The following BDH1 variants were observed in gnomAD, a reference collection of about 807,000 sequenced individuals.
BDH1 encodes D-beta-hydroxybutyrate dehydrogenase, mitochondrial.
A neutral mutation model predicts 33.1 loss-of-function variants in BDH1; 30 were observed. That is an observed-to-expected ratio of 0.91 (90% CI 0.68 to 1.23). The LOEUF (loss-of-function observed/expected upper bound fraction) is 1.23, where lower values mean the gene tolerates loss of function less well. Ranked by LOEUF, BDH1 falls within the 50% of genes most tolerant of loss-of-function variation. The probability of loss-of-function intolerance (pLI) is 0.00; values close to 1 mark genes in which losing one functional copy is unlikely to be tolerated. For synonymous variants in BDH1, 190 were observed against 183.6 expected (o/e 1.03, Z -0.28); for missense variants, 443 against 464.4 (o/e 0.95, Z 0.42).
At chr3:197,542,610 T>G (rs917215771) in intron 3 of BDH1, among the ~76,000 whole-genome samples, 3 of 143,898 alleles carry the variant, frequency 2.1e-5, no homozygotes, top group Non-Finnish European at 4.5e-5. Context: ...CGCAACCTCT[T>G]CCTCCCGGGT....
chr3:197,566,830 ATT>A (rs902587282), intron 1 of BDH1, among the ~76,000 whole-genome samples: 1 of 151,958 alleles, frequency 6.6e-6, no homozygotes, highest in Non-Finnish European at 1.5e-5. Flanking sequence ...TTTGTTTTCA[ATT>A]TTTTTCTTCT....
At chr3:197,541,174 A>G (rs1715593178) in intron 3 of BDH1, among the ~76,000 whole-genome samples, 1 of 152,208 alleles carries the variant, frequency 6.6e-6, no homozygotes, top group South Asian at 2.1e-4. Flanking sequence ...CTCAAAAGTT[A>G]GTTAACAAGC....
chr3:197,542,985 C>T (rs1011724469), intron 3 of BDH1: 4 of 985,248 alleles, frequency 4.1e-6, no homozygotes, highest in South Asian at 4.7e-5. Flanking sequence ...CTGTCCTCAG[C>T]GCCCTGGTCA....
At chr3:197,513,990 T>C (rs1712396902) in intron 7 of BDH1, among the ~76,000 whole-genome samples, 1 of 152,194 alleles carries the variant, frequency 6.6e-6, no homozygotes, top group South Asian at 2.1e-4. Context: ...ATTCTCTCTA[T>C]AGATTAGGTG....
At chr3:197,542,714 G>C (rs1715756386) in intron 3 of BDH1, among the ~76,000 whole-genome samples, 1 of 151,838 alleles carries the variant, frequency 6.6e-6, no homozygotes, top group South Asian at 2.1e-4. Context: ...TAGAGACGGG[G>C]CTTCTCCATG....
rs371445813 is a variant in BDH1 at position 197,514,433 on chromosome 3, T to C, written c.410-17A>G. ...CCCACATGCCTGGACAGGAGAGGGA[T>C]AGATGTGCATTTACCACATGGGCTT... On this transcript the variant is annotated splice_polypyrimidine_tract_variant and intron_variant, in intron 6 of 7. Transcript: ENST00000392379. This position sits in a 1 kb window ranked among gnomAD's most constrained non-coding sequence, Gnocchi z 4.2. 4.9e-5 allele frequency: 78 copies of C among 1,577,788 alleles called. No homozygotes were observed. In the African/African-American group the frequency reaches 5.8e-4, roughly 12 times the overall value.
chr3:197,534,510 C>T (rs1441356008), intron 3 of BDH1, among the ~76,000 whole-genome samples: 2 of 152,180 alleles, frequency 1.3e-5, no homozygotes, highest in Non-Finnish European at 2.9e-5. Flanking sequence ...CCTGTTTGGG[C>T]ATATTATGAA....
intron 3 of BDH1, chr3:197,538,450 C>T: frequency 2.2e-6 from 1 of 449,424 alleles, no homozygotes; most frequent in Non-Finnish European, 4.5e-6. Context: ...CTCCTGGGTT[C>T]AAGCGATTCT....
chr3:197,541,872 C>G (rs1055168450), intron 3 of BDH1, among the ~76,000 whole-genome samples: 4 of 152,192 alleles, frequency 2.6e-5, no homozygotes, highest in African/African-American at 9.7e-5. Flanking sequence ...CCCCAATATC[C>G]CTGTGAACAG....
At position 197,516,756 on chromosome 3, in the gene BDH1, TCCTCCACCCCTCCCC is replaced by T. The variant is rs988812847; in HGVS notation, c.410-2355_410-2341del. Among the ~76,000 whole-genome samples, 3 of 151,966 alleles carry T rather than the reference TCCTCCACCCCTCCCC, an allele frequency of 2.0e-5. No homozygotes were observed. The highest frequency in any genetic ancestry group is 7.3e-5 in the African/African-American group (3 of 41,338). ...TACTTTTGTCTGTGACTCCTCCAGC[TCCTCCACCCCTCCCC>T]CACCTACTGAGTCACCCAGTACTGC... On this transcript the variant is annotated intron_variant, in intron 6 of 7. Coordinates refer to ENST00000392379, the MANE Select transcript of BDH1 (RefSeq NM_203314.3). The surrounding 1 kb of genome is among the most constrained non-coding windows in gnomAD (Gnocchi z 4.2).
chr3:197,533,237 A>T (rs59125265), intron 4 of BDH1, among the ~76,000 whole-genome samples: 2 of 148,534 alleles, frequency 1.3e-5, no homozygotes, highest in African/African-American at 2.5e-5. Context: ...CTCGCCCCCC[A>T]CCTAGGCCTC....
chr3:197,541,084 G>A (rs200785703), intron 3 of BDH1, among the ~76,000 whole-genome samples: 2 of 152,318 alleles, frequency 1.3e-5, no homozygotes, highest in East Asian at 1.9e-4. Context: ...AGCTCTTACA[G>A]TCGCTGTGGG....
Position 197,521,048 on chromosome 3 carries a change from T to C in BDH1, c.409+1592A>G, listed in dbSNP as rs1003771779. On this transcript the variant is annotated intron_variant, in intron 6 of 7. Transcript: ENST00000392379. This position sits in a 1 kb window ranked among gnomAD's most constrained non-coding sequence, Gnocchi z 4.9. ...ACAGACAGCACATCCATCTGGCTGATACAGGCTCAGCAGAGCTCCCCGCAT... is the reference window on the plus strand; with the variant it reads ...ACAGACAGCACATCCATCTGGCTGACACAGGCTCAGCAGAGCTCCCCGCAT... Among the ~76,000 whole-genome samples the C allele has an allele frequency of 1.3e-5, 2 of 152,148 alleles. No homozygotes were observed. The highest frequency in any genetic ancestry group is 2.4e-5 in the African/African-American group (1 of 41,440).
Position 197,522,495 on chromosome 3 carries a change from T to C in BDH1, c.409+145A>G, listed in dbSNP as rs773770525. 18 of 1,018,286 alleles carry C rather than the reference T, an allele frequency of 1.8e-5. No homozygotes were observed. The highest frequency in any genetic ancestry group is 2.6e-5 in the Non-Finnish European group (18 of 699,962). 63.1% of individuals were successfully genotyped at this position (1,018,286 alleles called of 1,614,324 possible). On this transcript the variant is annotated intron_variant, in intron 6 of 7. Coordinates refer to ENST00000392379, the MANE Select transcript of BDH1 (RefSeq NM_203314.3). This position sits in a 1 kb window ranked among gnomAD's most constrained non-coding sequence, Gnocchi z 4.8. The stretch of plus-strand genomic sequence containing the variant: ...CACGTGTATGTTTAGTGTAATCCTC[T>C]TCCTCCTACTGTGCAGGAGGAAGAG...
intron 5 of BDH1, among the ~76,000 whole-genome samples, chr3:197,532,092 C>T (rs1714716835): frequency 6.6e-6 from 1 of 152,230 alleles, no homozygotes; most frequent in African/African-American, 2.4e-5. Flanking sequence ...TGTGTCTATG[C>T]ATGGCTGTCT....
chr3:197,526,098 G>T lies in BDH1; in HGVS notation c.268-3317C>A, dbSNP rs1714071464. Among the ~76,000 whole-genome samples the T allele has an allele frequency of 6.6e-6, 1 of 152,202 alleles. No homozygotes were observed. Among genetic ancestry groups the T allele is most frequent in the Non-Finnish European group, 1.5e-5 (1 of 68,036 alleles). ...CCCTGGATGAAACTTCAGGCAAGTT[G>T]TATAGCTTTTCCACTCATTCTCAGA... is the stretch of plus-strand genomic sequence containing the variant. On this transcript the variant is annotated intron_variant, in intron 5 of 7. Coordinates refer to ENST00000392379, the MANE Select transcript of BDH1 (RefSeq NM_203314.3). This position sits in a 1 kb window ranked among gnomAD's most constrained non-coding sequence, Gnocchi z 4.7.
intron 2 of BDH1, among the ~76,000 whole-genome samples, chr3:197,546,964 C>T (rs1456265452): frequency 1.3e-5 from 2 of 152,208 alleles, no homozygotes; most frequent in Non-Finnish European, 2.9e-5. Context: ...GTCCTCATGC[C>T]ACATAGCATC....
At chr3:197,527,060 G>C (rs1362707084) in intron 5 of BDH1, among the ~76,000 whole-genome samples, 1 of 152,208 alleles carries the variant, frequency 6.6e-6, no homozygotes, top group Non-Finnish European at 1.5e-5. Flanking sequence ...CTGGCAGAAA[G>C]GTTTTTGTCT....
chr3:197,514,530 CGCCCAGT>C lies in BDH1; in HGVS notation c.410-121_410-115del. 1 of 1,249,538 alleles carries C rather than the reference CGCCCAGT, an allele frequency of 8.0e-7. No individual in the cohort carries two copies. The highest frequency in any genetic ancestry group is 2.5e-5 in the East Asian group (1 of 39,574). The allele number at this position is 1,249,538 out of a possible 1,614,324, so 77.4% of individuals were successfully genotyped here. Reference sequence around the variant, plus strand: ...TCTTTCCTGTGACTTCCCAGCCTCTCGCCCAGTGCTCTCAAGAAACTTTCTAGAGTCA... The same window carrying C: ...TCTTTCCTGTGACTTCCCAGCCTCTCGCTCTCAAGAAACTTTCTAGAGTCA... On this transcript the variant is annotated intron_variant, in intron 6 of 7. Coordinates refer to ENST00000392379, the MANE Select transcript of BDH1 (RefSeq NM_203314.3). This position sits in a 1 kb window ranked among gnomAD's most constrained non-coding sequence, Gnocchi z 4.2.
Sources: allele counts gnomAD v4.1 joint callset (sites outside exome capture counted in the v4.1 genomes callset), GRCh38; gene constraint gnomAD v4.1.1; non-coding constraint Gnocchi (gnomAD v3.1); transcripts MANE v1.5; gene names NCBI Gene and HGNC (gene_info 2026-07-23, HGNC 2026-07-21).